Variants in TMEM163 observed in about 807,000 individuals in gnomAD.
The protein encoded by TMEM163 is transmembrane protein 163.
TMEM163 carries 17 observed loss-of-function variants against 29.3 expected under a neutral mutation model. The ratio of observed to expected loss-of-function variants is 0.58; its 90% confidence interval spans 0.40 to 0.87. The LOEUF (loss-of-function observed/expected upper bound fraction) is 0.87, where lower values mean the gene tolerates loss of function less well. Ranked by LOEUF, TMEM163 falls within the 40% of genes least tolerant of loss-of-function variation. The pLI is 0.00. For synonymous variants in TMEM163, 157 were observed against 160.6 expected, an observed-to-expected ratio of 0.98 and a Z score of 0.17; for missense variants, 303 against 381.5, an observed-to-expected ratio of 0.79 and a Z score of 1.71.
At chr2:134,709,861 T>A (rs561539786) in intron 2 of TMEM163, among the ~76,000 whole-genome samples, 39 of 152,268 alleles carry the variant, frequency 2.6e-4, no homozygotes, top group Non-Finnish European at 4.1e-4. Context: ...CTCTGAAGTC[T>A]GCTACCTGGA....
intron 2 of TMEM163, among the ~76,000 whole-genome samples, chr2:134,589,561 C>T (rs949295710): frequency 6.6e-6 from 1 of 152,110 alleles, no homozygotes; most frequent in Non-Finnish European, 1.5e-5. Flanking sequence ...GATGCCATGG[C>T]AATGTCAGGA....
chr2:134,658,729 C>G (rs1490565643), intron 2 of TMEM163, among the ~76,000 whole-genome samples: 2 of 152,014 alleles, frequency 1.3e-5, no homozygotes, highest in Non-Finnish European at 2.9e-5. Context: ...TCCTAAGTAG[C>G]TGGGACTACA....
intron 2 of TMEM163, among the ~76,000 whole-genome samples, chr2:134,578,786 G>A (rs1039730221): frequency 6.6e-6 from 1 of 152,090 alleles, no homozygotes. Flanking sequence ...GTGAGAGGCA[G>A]TGTGTGTGCA....
chr2:134,512,374 G>A (rs886807495), intron 4 of TMEM163, among the ~76,000 whole-genome samples: 8 of 152,134 alleles, frequency 5.3e-5, no homozygotes, highest in South Asian at 2.1e-4. Context: ...CAGGAGAATC[G>A]CTCGAGCCTG....
chr2:134,704,964 C>T (rs6761929), intron 2 of TMEM163, among the ~76,000 whole-genome samples: 41,574 of 151,890 alleles, frequency 0.27, 7,500 homozygotes, highest in African/African-American at 0.5. Context: ...ATCCCAGTAC[C>T]TTGGGAGGCT....
intron 2 of TMEM163, among the ~76,000 whole-genome samples, chr2:134,576,974 A>G (rs1318193656): frequency 6.6e-6 from 1 of 152,112 alleles, no homozygotes; most frequent in Non-Finnish European, 1.5e-5. Context: ...ATTCCATCCC[A>G]ACTATTGTCT....
chr2:134,476,396 T>A (rs1574160561), intron 5 of TMEM163, among the ~76,000 whole-genome samples: 2 of 152,332 alleles, frequency 1.3e-5, no homozygotes, highest in African/African-American at 4.8e-5. Flanking sequence ...GTGGTAGTTC[T>A]GTGACAATAC....
At chr2:134,584,796 A>G (rs1018091224) in intron 2 of TMEM163, among the ~76,000 whole-genome samples, 9 of 152,206 alleles carry the variant, frequency 5.9e-5, no homozygotes, top group African/African-American at 2.2e-4. Context: ...AAGTATCCAC[A>G]ATGTGCCAGG....
chr2:134,574,960 G>A (rs928151358), intron 2 of TMEM163, among the ~76,000 whole-genome samples: 9 of 151,770 alleles, frequency 5.9e-5, no homozygotes, highest in African/African-American at 1.7e-4. Flanking sequence ...TAAGGTCCCC[G>A]TGGTGTAGCA....
chr2:134,611,439 T>C (rs925881484), intron 2 of TMEM163, among the ~76,000 whole-genome samples: 2 of 152,338 alleles, frequency 1.3e-5, no homozygotes, highest in Non-Finnish European at 2.9e-5. Context: ...GCTATTTCTA[T>C]GGAGTACAGC....
Position 134,455,986 on chromosome 2 carries a change from GGA to G in TMEM163, c.*728_*729del, listed in dbSNP as rs1558907364. ...ACAGCATATAGATATATGCATATAC[GGA>G]TAGATTATATTTATTTATTACAAAT... On this transcript the variant is annotated 3_prime_UTR_variant, in exon 8 of 8. Coordinates refer to ENST00000281924, the MANE Select transcript of TMEM163 (RefSeq NM_030923.5). 2 of 152,526 alleles carry G rather than the reference GGA, an allele frequency of 1.3e-5. No individual in the cohort carries two copies. The highest frequency in any genetic ancestry group is 2.9e-5 in the Non-Finnish European group (2 of 68,052). The allele number at this position is 152,526 out of a possible 1,614,324, so 9.4% of individuals were successfully genotyped here. A position where few individuals can be genotyped will look rare whatever the true frequency, so the allele number is the denominator to read the frequency against.
intron 4 of TMEM163, among the ~76,000 whole-genome samples, chr2:134,512,806 C>A (rs598654): frequency 0.12 from 18,571 of 152,168 alleles, 1,390 homozygotes; most frequent in South Asian, 0.25. Flanking sequence ...AGCCACAGGG[C>A]GCACAAACTT....
chr2:134,630,809 T>C (rs1035568972), intron 2 of TMEM163, among the ~76,000 whole-genome samples: 3 of 152,234 alleles, frequency 2.0e-5, no homozygotes, highest in African/African-American at 4.8e-5. Flanking sequence ...GGATGCTTTT[T>C]GAAACTGATT....
At chr2:134,521,327 C>A (rs1006645148) in intron 4 of TMEM163, among the ~76,000 whole-genome samples, 2 of 152,130 alleles carry the variant, frequency 1.3e-5, no homozygotes, top group Admixed American at 1.3e-4. Flanking sequence ...TTAGGCATGG[C>A]TCTATGTCAG....
chr2:134,475,591 G>C (rs1168043992), intron 5 of TMEM163, among the ~76,000 whole-genome samples: 1 of 152,178 alleles, frequency 6.6e-6, no homozygotes, highest in East Asian at 1.9e-4. Flanking sequence ...AAACATATCT[G>C]ATACAGAACT....
chr2:134,541,351 GGA>G, intron 4 of TMEM163, among the ~76,000 whole-genome samples: 1 of 152,252 alleles, frequency 6.6e-6, no homozygotes, highest in South Asian at 2.1e-4. Context: ...TGCTGGCAAA[GGA>G]GAATAAACAT....
chr2:134,583,378 A>G (rs1449195070), intron 2 of TMEM163, among the ~76,000 whole-genome samples: 3 of 152,198 alleles, frequency 2.0e-5, no homozygotes, highest in Non-Finnish European at 4.4e-5. Context: ...CATCATTATT[A>G]CCTTCTGGGC....
intron 2 of TMEM163, among the ~76,000 whole-genome samples, chr2:134,621,930 A>G (rs1382329461): frequency 6.6e-6 from 1 of 152,068 alleles, no homozygotes; most frequent in Non-Finnish European, 1.5e-5. Context: ...ACTAAACCCA[A>G]TGTGGTATAT....
chr2:134,598,870 T>A (rs1682154960), intron 2 of TMEM163, among the ~76,000 whole-genome samples: 1 of 147,794 alleles, frequency 6.8e-6, no homozygotes, highest in East Asian at 2.0e-4. Flanking sequence ...GCAGTGAGCC[T>A]AGATAGTGCC....
Sources: gnomAD v4.1 joint callset for allele counts (sites outside exome capture counted in the v4.1 genomes callset) on GRCh38, gnomAD v4.1.1 for gene constraint, MANE v1.5 for transcripts, NCBI Gene and HGNC (gene_info 2026-07-23, HGNC 2026-07-21) for gene names.